The following SLITRK3 variants were observed in gnomAD, a reference collection of about 807,000 sequenced individuals.
SLITRK3 encodes the protein SLIT and NTRK-like protein 3.
In SLITRK3, 16 loss-of-function variants were observed where a neutral mutation model predicts 63.6. The observed-to-expected ratio is 0.25, with a 90% CI of 0.17 to 0.38. The LOEUF (loss-of-function observed/expected upper bound fraction) is 0.38, where lower values mean the gene tolerates loss of function less well. Among genes scored for constraint, SLITRK3 ranks in the 10% least tolerant of loss-of-function variants. SLITRK3 has a pLI of 1.00. For synonymous variants in SLITRK3, 547 were observed against 451.6 expected (o/e 1.21, Z -2.68); for missense variants, 1,117 against 1,181.4 (o/e 0.95, Z 0.80).
rs1718156385 is a variant in SLITRK3, at chr3:165,190,167, T to C, written c.664A>G (p.Arg222Gly). 1.2e-6 allele frequency: 2 copies of C among 1,614,188 alleles called. No individual in the cohort carries two copies. Among genetic ancestry groups the C allele is most frequent in the African/African-American group, 2.7e-5 (2 of 75,036 alleles). ...FYRGMLDHIG[R>G]SLMELQLEEN... is the part of the protein sequence containing the mutation. ...TCCAGCTGGAGCTCCATCAGGCTTC[T>C]GCCAATGTGATCTAGCATTCCTCGG... is the stretch of plus-strand genomic sequence containing the variant. Residue 222 changes from arginine (R) to glycine (G), a missense_variant, in exon 2 of 2, where the codon AGA becomes GGA. Physicochemically the swap from Arg to Gly is moderately radical, Grantham distance 125 (BLOSUM62 -2). Around this residue, in one of 4 missense-constraint regions of SLITRK3, gnomAD observed 452 missense variants for 495.3 expected, o/e 0.91. Coordinates refer to ENST00000475390, the MANE Select transcript of SLITRK3 (RefSeq NM_001318810.2).
At chr3:165,191,220 G>T (rs567321325) in intron 1 of SLITRK3, among the ~76,000 whole-genome samples, 1 of 152,262 alleles carries the variant, frequency 6.6e-6, no homozygotes, top group South Asian at 2.1e-4. Context: ...CATCACACCT[G>T]TTTGCCTGTT....
rs773549401 is a variant in SLITRK3, at chr3:165,190,045, C to T, written c.786G>A (p.Glu262=). 4.0e-5 allele frequency: 65 copies of T among 1,613,930 alleles called. No individual in the cohort carries two copies. The highest frequency in any genetic ancestry group is 5.1e-5 in the Non-Finnish European group (60 of 1,180,024). ...YTALVGDITC[E]TPFHFHGKDL... Reference sequence around the variant, plus strand: ...CCTTTCCATGGAAGTGGAAAGGGGTCTCACAGGTAATGTCTCCCACCAGGG... The same window carrying T: ...CCTTTCCATGGAAGTGGAAAGGGGTTTCACAGGTAATGTCTCCCACCAGGG... The change falls in exon 2 of 2, where the codon GAG becomes GAA. Residue 262 remains glutamate, a synonymous_variant. Transcript: ENST00000475390.
chr3:165,193,130 T>A (rs1199391520), intron 1 of SLITRK3, among the ~76,000 whole-genome samples: 2 of 150,990 alleles, frequency 1.3e-5, no homozygotes, highest in African/African-American at 4.9e-5. Context: ...TGTGTGTGTG[T>A]GTGTGTGTGT....
chr3:165,190,836 G>A lies in SLITRK3; in HGVS notation c.-6C>T, dbSNP rs767719210. On this transcript the variant is annotated 5_prime_UTR_variant, in exon 2 of 2. In the 5' UTR this introduces an upstream ATG that the reference lacks. Coordinates refer to ENST00000475390, the MANE Select transcript of SLITRK3 (RefSeq NM_001318810.2). ...TCAGCTATGGAAGGTTTCATCGTTC[G>A]TGGTTGATTACAAAACTGCAACAGA... is the stretch of plus-strand genomic sequence containing the variant. The A allele has an allele frequency of 1.2e-5, 18 of 1,557,816 alleles. No individual in the cohort carries two copies. Among genetic ancestry groups the A allele is most frequent in the South Asian group, 8.5e-5 (7 of 82,756 alleles).
At chr3:165,191,115 A>C (rs1277745711) in intron 1 of SLITRK3, among the ~76,000 whole-genome samples, 1 of 152,224 alleles carries the variant, frequency 6.6e-6, no homozygotes, top group Non-Finnish European at 1.5e-5. Context: ...GAACAAAAGC[A>C]GCCTGCATTG....
intron 1 of SLITRK3, among the ~76,000 whole-genome samples, chr3:165,192,347 AG>A (rs1718260831): frequency 6.6e-6 from 1 of 152,188 alleles, no homozygotes; most frequent in Non-Finnish European, 1.5e-5. Flanking sequence ...GAGAGAGAAA[AG>A]GCTACATTGC....
rs1286963613 is a variant in SLITRK3, at chr3:165,190,860, G to A, written c.-21-9C>T. On this transcript the variant is annotated splice_polypyrimidine_tract_variant and intron_variant, in intron 1 of 1. Coordinates refer to ENST00000475390, the MANE Select transcript of SLITRK3 (RefSeq NM_001318810.2). ...CGTGGTTGATTACAAAACTGCAACA[G>A]AAATAAAAATGCAGATTTTTAGCTT... is the stretch of plus-strand genomic sequence containing the variant. 2.0e-6 allele frequency: 3 copies of A among 1,526,850 alleles called. No individual in the cohort carries two copies. Among genetic ancestry groups the A allele is most frequent in the African/African-American group, 1.4e-5 (1 of 71,778 alleles). The allele number at this position is 1,526,850 out of a possible 1,614,324, so 94.6% of individuals were successfully genotyped here.
In SLITRK3 at chr3:165,189,355, G is replaced by T; in HGVS notation, c.1476C>A (p.Ile492=). Residue 492 remains isoleucine (I), a synonymous_variant, in exon 2 of 2, where the codon ATC becomes ATA. Coordinates refer to ENST00000475390, the MANE Select transcript of SLITRK3 (RefSeq NM_001318810.2). The surrounding 1 kb of genome is among the most constrained non-coding windows in gnomAD (Gnocchi z 4.0). ...TGAAGGCTGCAGGCTGGATTTCCCG[G>T]ATGACATTGAACTCAAAGTACAAGT... ...LHYLYFEFNV[I]REIQPAAFSL... 6.2e-7 allele frequency: 1 copy of T among 1,614,192 alleles called. No homozygotes were observed. The highest frequency in any genetic ancestry group is 1.6e-4 in the Middle Eastern group (1 of 6,062).
intron 1 of SLITRK3, among the ~76,000 whole-genome samples, chr3:165,194,604 C>G (rs1482476537): frequency 1.3e-5 from 2 of 152,058 alleles, no homozygotes. Context: ...CCCCAGCTGC[C>G]GGCACCCGCA....
chr3:165,194,251 A>C (rs1003233205), intron 1 of SLITRK3, among the ~76,000 whole-genome samples: 1 of 152,170 alleles, frequency 6.6e-6, no homozygotes, highest in African/African-American at 2.4e-5. Flanking sequence ...GTTTTCCCTT[A>C]ATGGACCCTT....
In SLITRK3 at chr3:165,189,125, T is replaced by C; in HGVS notation, c.1706A>G (p.Asp569Gly). The C allele has an allele frequency of 6.2e-7, 1 of 1,614,150 alleles. No individual in the cohort carries two copies. The highest frequency in any genetic ancestry group is 8.5e-7 in the Non-Finnish European group (1 of 1,180,036). The change falls in exon 2 of 2, where the codon GAC (aspartate) becomes GGC (glycine). Residue 569 changes from aspartate to glycine, a missense_variant. By Grantham distance (94) the Asp-to-Gly change is moderately conservative. Transcript: ENST00000475390. This position sits in a 1 kb window ranked among gnomAD's most constrained non-coding sequence, Gnocchi z 4.0. ...GATCCACTGTTTAAAGGGGACCAGG[T>C]CACAGGTGCAGTCCCAAGGATTCTC... ...LNENPWDCTC[D>G]LVPFKQWIET...
Position 165,189,366 on chromosome 3 carries a change from A to T in SLITRK3, c.1465T>A (p.Phe489Ile). 6.2e-7 allele frequency: 1 copy of T among 1,614,026 alleles called. No homozygotes were observed. The highest frequency in any genetic ancestry group is 1.6e-4 in the Middle Eastern group (1 of 6,062). ...GGCTGGATTTCCCGGATGACATTGA[A>T]CTCAAAGTACAAGTAGTGCAAACTC... is the stretch of plus-strand genomic sequence containing the variant. Reference protein sequence around the residue: ...LQSLHYLYFEFNVIREIQPAA... With the variant: ...LQSLHYLYFEINVIREIQPAA... The change falls in exon 2 of 2, where the codon TTC becomes ATC. Residue 489 changes from phenylalanine to isoleucine, a missense_variant. This residue lies in a region of SLITRK3 where 158 missense variants were observed against 197.2 expected (regional missense o/e 0.80). Coordinates refer to ENST00000475390, the MANE Select transcript of SLITRK3 (RefSeq NM_001318810.2). The surrounding 1 kb of genome is among the most constrained non-coding windows in gnomAD (Gnocchi z 4.0).
chr3:165,192,572 A>G (rs141987884), intron 1 of SLITRK3, among the ~76,000 whole-genome samples: 1,747 of 151,536 alleles, frequency 0.012, 22 homozygotes, highest in Non-Finnish European at 0.018. Context: ...GAACCGTGAA[A>G]AGAAAAAGAA....
rs34713758 is a variant in SLITRK3, at chr3:165,187,211, AGTGTGTGTGTGTGTGTGT to A, written c.*668_*685del. The stretch of plus-strand genomic sequence containing the variant: ...ATTGAGTTGAATGGAAATGGTATGG[AGTGTGTGTGTGTGTGTGT>A]GTGTGTGTGTGTGTGTGTGTGTGTA... On this transcript the variant is annotated 3_prime_UTR_variant, in exon 2 of 2. Transcript: ENST00000475390. 1.4e-5 allele frequency: 2 copies of A among 141,262 alleles called. No individual in the cohort carries two copies. Among genetic ancestry groups the A allele is most frequent in the South Asian group, 4.8e-4 (2 of 4,208 alleles). 8.8% of individuals were successfully genotyped at this position (141,262 alleles called of 1,614,324 possible). A position where few individuals can be genotyped will look rare whatever the true frequency, so the allele number is the denominator to read the frequency against.
At chr3:165,195,201 C>A (rs1298002300) in intron 1 of SLITRK3, among the ~76,000 whole-genome samples, 1 of 152,220 alleles carries the variant, frequency 6.6e-6, no homozygotes, top group Non-Finnish European at 1.5e-5. Flanking sequence ...CTGCTGTCGT[C>A]AGGCGAAACG....
Position 165,190,486 on chromosome 3 carries a change from G to T in SLITRK3, c.345C>A (p.Asp115Glu). ...GACCATTGAAAGCTCCAGTCTGAATGTCCTGCAATGCATTGTTCCCAAGAT... is the reference window on the plus strand; with the variant it reads ...GACCATTGAAAGCTCCAGTCTGAATTTCCTGCAATGCATTGTTCCCAAGAT... ...SINLGNNALQ[D>E]IQTGAFNGLK... Residue 115 changes from aspartate (D) to glutamate (E), a missense_variant, in exon 2 of 2, where the codon GAC (aspartate) becomes GAA (glutamate). Asp to Glu is a conservative substitution (Grantham distance 45, BLOSUM62 2). Coordinates refer to ENST00000475390, the MANE Select transcript of SLITRK3 (RefSeq NM_001318810.2). 6 of 1,613,840 alleles carry T rather than the reference G, an allele frequency of 3.7e-6. No individual in the cohort carries two copies. Among genetic ancestry groups the T allele is most frequent in the Non-Finnish European group, 5.1e-6 (6 of 1,179,946 alleles).
chr3:165,194,974 T>C (rs1428871767), intron 1 of SLITRK3, among the ~76,000 whole-genome samples: 1 of 152,146 alleles, frequency 6.6e-6, no homozygotes, highest in East Asian at 1.9e-4. Context: ...AGCCATTTGT[T>C]TGTCCAGAGG....
At position 165,190,367 on chromosome 3, in the gene SLITRK3, T is replaced by A; in HGVS notation, c.464A>T (p.Gln155Leu). The A allele has an allele frequency of 1.9e-6, 3 of 1,614,118 alleles. No individual in the cohort carries two copies. Among genetic ancestry groups the A allele is most frequent in the Non-Finnish European group, 2.5e-6 (3 of 1,179,978 alleles). Residue 155 changes from glutamine (Q) to leucine (L), a missense_variant, in exon 2 of 2, where the codon CAG (glutamine) becomes CTG (leucine). Transcript: ENST00000475390. ...FLGLESLEYLQADYNVIKRIE... is the reference protein window; with the variant it reads ...FLGLESLEYLLADYNVIKRIE... ...ACGTTTAATGACATTGTAATCTGCCTGCAGATATTCTAGACTTTCCAAGCC... is the reference window on the plus strand; with the variant it reads ...ACGTTTAATGACATTGTAATCTGCCAGCAGATATTCTAGACTTTCCAAGCC...
In SLITRK3 at chr3:165,189,788, G is replaced by C; in HGVS notation, c.1043C>G (p.Ser348Cys). The C allele has an allele frequency of 6.2e-7, 1 of 1,614,176 alleles. No individual in the cohort carries two copies. The highest frequency in any genetic ancestry group is 8.5e-7 in the Non-Finnish European group (1 of 1,180,040). The change falls in exon 2 of 2, where the codon TCC becomes TGC. Residue 348 changes from serine to cysteine, a missense_variant. This residue lies in a region of SLITRK3 where 452 missense variants were observed against 495.3 expected (regional missense o/e 0.91). Coordinates refer to ENST00000475390, the MANE Select transcript of SLITRK3 (RefSeq NM_001318810.2). The surrounding 1 kb of genome is among the most constrained non-coding windows in gnomAD (Gnocchi z 4.0). ...GTTTGGACCAGGATATAAAGCTTGG[G>C]AGGTGGAGGGTGGCCTTGGTGTTCG... ...QPRTPRPPST[S>C]QALYPGPNQP...
Sources: allele counts gnomAD v4.1 joint callset (sites outside exome capture counted in the v4.1 genomes callset), GRCh38; gene constraint gnomAD v4.1.1; regional missense constraint gnomAD v4.1.1; non-coding constraint Gnocchi (gnomAD v3.1); transcripts MANE v1.5; gene names NCBI Gene and HGNC (gene_info 2026-07-23, HGNC 2026-07-21).